The following STXBP5L variants were observed in gnomAD, a reference collection of about 807,000 sequenced individuals.
STXBP5L encodes syntaxin-binding protein 5-like.
A neutral mutation model predicts 144.5 loss-of-function variants in STXBP5L; 65 were observed. The ratio of observed to expected loss-of-function variants is 0.45; its 90% CI spans 0.37 to 0.55. The LOEUF is 0.55. Among genes scored for constraint, STXBP5L ranks in the 20% least tolerant of loss-of-function variants. The pLI is 0.00. For missense variants in STXBP5L, 1,298 were observed against 1,405.5 expected (o/e 0.92, Z 1.22); for synonymous variants, 505 against 469.6 (o/e 1.08, Z -0.97).
Position 121,006,295 on chromosome 3 carries a change from A to G in STXBP5L, c.288-35405A>G, listed in dbSNP as rs554715383. On this transcript the variant is annotated intron_variant, in intron 3 of 26. Coordinates refer to ENST00000471454, the MANE Select transcript of STXBP5L (RefSeq NM_001308330.2). ...CTCTTCTTGTTGAATTGATCCCTTT[A>G]CCATTATGTAATGGCCTTCTTTGTC... Among the ~76,000 whole-genome samples the G allele has an allele frequency of 8.6e-4, 131 of 151,992 alleles. 1 individual carries two copies. Among genetic ancestry groups the G allele is most frequent in the African/African-American group, 3.0e-3 (123 of 41,442 alleles).
intron 5 of STXBP5L, among the ~76,000 whole-genome samples, chr3:121,094,048 G>T (rs1388884090): frequency 1.3e-5 from 2 of 152,124 alleles, no homozygotes; most frequent in African/African-American, 2.4e-5. Context: ...TCATTCAGGA[G>T]CAGGTTGTTC....
At chr3:121,104,885 G>A (rs1278962538) in intron 5 of STXBP5L, among the ~76,000 whole-genome samples, 1 of 152,038 alleles carries the variant, frequency 6.6e-6, no homozygotes, top group Non-Finnish European at 1.5e-5. Context: ...AAATAGATGG[G>A]ACTTAGTTAA....
intron 19 of STXBP5L, among the ~76,000 whole-genome samples, chr3:121,287,275 G>T (rs1577369600): frequency 6.6e-6 from 1 of 152,092 alleles, no homozygotes; most frequent in East Asian, 1.9e-4. Flanking sequence ...TCTAGATTTG[G>T]AAAGGAAGAA....
At chr3:121,196,126 G>A (rs2047909157) in intron 9 of STXBP5L, among the ~76,000 whole-genome samples, 1 of 151,200 alleles carries the variant, frequency 6.6e-6, no homozygotes, top group Admixed American at 6.6e-5. Context: ...TGAATCTATA[G>A]ATCAGTTTGG....
chr3:121,392,214 TG>T (rs1003429531), intron 22 of STXBP5L, among the ~76,000 whole-genome samples: 2 of 152,218 alleles, frequency 1.3e-5, no homozygotes, highest in Non-Finnish European at 2.9e-5. Context: ...AAGCCAGGCA[TG>T]GGAGAGAATC....
At chr3:120,992,399 C>T (rs193164867) in intron 3 of STXBP5L, among the ~76,000 whole-genome samples, 12 of 152,132 alleles carry the variant, frequency 7.9e-5, no homozygotes, top group Non-Finnish European at 1.2e-4. Context: ...GACCTCATTC[C>T]TTCTATCTAG....
At chr3:121,337,847 A>G (rs904064273) in intron 20 of STXBP5L, among the ~76,000 whole-genome samples, 3 of 152,178 alleles carry the variant, frequency 2.0e-5, no homozygotes, top group African/African-American at 7.2e-5. Context: ...AATTGAAATT[A>G]TATCAAGTAC....
intron 5 of STXBP5L, among the ~76,000 whole-genome samples, chr3:121,067,908 T>A (rs970577134): frequency 1.3e-5 from 2 of 152,252 alleles, no homozygotes; most frequent in Non-Finnish European, 2.9e-5. Context: ...TAGTCCATCT[T>A]TACTTTGTGT....
At chr3:121,091,113 A>C (rs2042767936) in intron 5 of STXBP5L, among the ~76,000 whole-genome samples, 1 of 149,476 alleles carries the variant, frequency 6.7e-6, no homozygotes, top group South Asian at 2.1e-4. Flanking sequence ...TGAACTCATC[A>C]TTTTTTATGG....
At chr3:121,205,493 G>A (rs1269765797) in intron 9 of STXBP5L, among the ~76,000 whole-genome samples, 1 of 152,144 alleles carries the variant, frequency 6.6e-6, no homozygotes, top group East Asian at 1.9e-4. Flanking sequence ...CTGTTGCATT[G>A]GGGATTAAGT....
At chr3:121,189,254 T>C (rs2108150756) in intron 9 of STXBP5L, among the ~76,000 whole-genome samples, 1 of 152,354 alleles carries the variant, frequency 6.6e-6, no homozygotes, top group Non-Finnish European at 1.5e-5. Context: ...TTTTGGCTTT[T>C]GTTGCCATTG....
At chr3:120,957,607 G>T (rs1938189080) in intron 3 of STXBP5L, among the ~76,000 whole-genome samples, 1 of 151,864 alleles carries the variant, frequency 6.6e-6, no homozygotes, top group Non-Finnish European at 1.5e-5. Context: ...TTAAGAGTTT[G>T]AGTAGAAGTA....
chr3:121,006,709 T>C (rs1044944896), intron 3 of STXBP5L, among the ~76,000 whole-genome samples: 1 of 152,204 alleles, frequency 6.6e-6, no homozygotes, highest in African/African-American at 2.4e-5. Flanking sequence ...TTTCTATGTT[T>C]AGTGCCTCCT....
chr3:121,130,302 C>T (rs1021790412), intron 7 of STXBP5L, among the ~76,000 whole-genome samples: 1 of 152,020 alleles, frequency 6.6e-6, no homozygotes, highest in Admixed American at 6.6e-5. Context: ...AGAGACTGAA[C>T]CATGGAATGC....
intron 5 of STXBP5L, among the ~76,000 whole-genome samples, chr3:121,113,664 T>G (rs1277149526): frequency 7.0e-6 from 1 of 141,922 alleles, no homozygotes; most frequent in African/African-American, 2.7e-5. Flanking sequence ...TTATTCTTTT[T>G]TCTTTTTCTT....
intron 9 of STXBP5L, among the ~76,000 whole-genome samples, chr3:121,172,299 C>G (rs967457355): frequency 6.6e-6 from 1 of 152,098 alleles, no homozygotes; most frequent in Non-Finnish European, 1.5e-5. Flanking sequence ...ACTAAGACAC[C>G]AAAAGCAATG....
At position 121,233,762 on chromosome 3, in the gene STXBP5L, A is replaced by T. The variant is rs2049381865; in HGVS notation, c.1184+74A>T. On this transcript the variant is annotated intron_variant, in intron 12 of 26. Coordinates refer to ENST00000471454, the MANE Select transcript of STXBP5L (RefSeq NM_001308330.2). Reference sequence around the variant, plus strand: ...GATTATTGGCATTTGTATTCTTTTGATAGGAAGTATTCTTTGTGTGAATAT... The same window carrying T: ...GATTATTGGCATTTGTATTCTTTTGTTAGGAAGTATTCTTTGTGTGAATAT... 1.4e-5 allele frequency: 16 copies of T among 1,147,292 alleles called. No individual in the cohort carries two copies. The South Asian group carries it at 2.2e-4, about 16-fold the overall frequency. The allele number at this position is 1,147,292 out of a possible 1,614,324, so 71.1% of individuals were successfully genotyped here. A position where few individuals can be genotyped will look rare whatever the true frequency, so the allele number is the denominator to read the frequency against.
chr3:121,325,922 C>T, intron 20 of STXBP5L, among the ~76,000 whole-genome samples: 1 of 151,532 alleles, frequency 6.6e-6, no homozygotes, highest in African/African-American at 2.4e-5. Flanking sequence ...TTAGTCTGAA[C>T]CCAAGTCTTC....
chr3:120,972,739 TC>T (rs1480758660), intron 3 of STXBP5L, among the ~76,000 whole-genome samples: 83 of 152,212 alleles, frequency 5.5e-4, no homozygotes, highest in African/African-American at 2.0e-3. Flanking sequence ...TGAGATATGC[TC>T]CTTGTATGCC....
Sources: allele counts gnomAD v4.1 joint callset (sites outside exome capture counted in the v4.1 genomes callset), GRCh38; gene constraint gnomAD v4.1.1; transcripts MANE v1.5; gene names NCBI Gene and HGNC (gene_info 2026-07-23, HGNC 2026-07-21).